The following ZNF221 variants were observed in gnomAD, a reference collection of about 807,000 sequenced individuals.
ZNF221 encodes the protein zinc finger protein 221.
ZNF221 carries 10 observed loss-of-function variants against 12.6 expected under a neutral mutation model. The ratio of observed to expected loss-of-function variants is 0.79; its 90% CI spans 0.49 to 1.34. ZNF221 has a LOEUF of 1.34. ZNF221 is among the 40% of genes most tolerant of loss of function. The pLI is 0.00. For synonymous variants in ZNF221, 232 were observed against 244.0 expected, an observed-to-expected ratio of 0.95 and a Z score of 0.46; for missense variants, 661 against 721.4, an observed-to-expected ratio of 0.92 and a Z score of 0.96.
downstream of ZNF221, among the ~76,000 whole-genome samples, chr19:43,972,536 A>C (rs1975118385): frequency 1.3e-5 from 2 of 152,148 alleles, no homozygotes; most frequent in South Asian, 2.1e-4. Context: ...AAGAGAGAAG[A>C]ATCCAACACA....
the ZNF221 span, among the ~76,000 whole-genome samples, chr19:43,975,476 G>A: frequency 0.027 from 4,160 of 152,210 alleles, 140 homozygotes; most frequent in African/African-American, 0.081. Flanking sequence ...CTTATAAGTG[G>A]GAGCTGAATG....
chr19:43,962,629 T>A (rs1974864385), intron 1 of ZNF221, 96 bp from the exon 2 acceptor site: 1 of 1,209,342 alleles, frequency 8.3e-7, no homozygotes. Context: ...GCTATGAACA[T>A]TCATGTGCTA....
chr19:43,978,691 T>C, the ZNF221 span: 1 of 152,304 alleles, frequency 6.6e-6, no homozygotes, highest in East Asian at 1.9e-4. Context: ...TGAGCTTTTG[T>C]GTGGCCAGTA....
chr19:43,975,504 C>T, the ZNF221 span, among the ~76,000 whole-genome samples: 1 of 152,106 alleles, frequency 6.6e-6, no homozygotes. Context: ...CATATGGACA[C>T]ATGGTGGGAA....
At chr19:43,977,062 G>A in the ZNF221 span, 3 of 152,136 alleles carry the variant, frequency 2.0e-5, no homozygotes, top group African/African-American at 4.8e-5. Context: ...ACAATAAAAA[G>A]AGAAGAGCAT....
downstream of ZNF221, among the ~76,000 whole-genome samples, chr19:43,969,091 G>T: frequency 6.6e-6 from 1 of 152,182 alleles, no homozygotes; most frequent in Middle Eastern, 3.2e-3. Context: ...CATTCTGTGG[G>T]CCCCACTTCC....
In ZNF221 at chr19:43,955,303, T is replaced by TGCTGACAAACAGAACAGTTTTCA. The variant is rs554154058; in HGVS notation, c.-3+3904_-3+3926dup. ...ACAGCCATCTTCACTGTGTCATTTT[T>TGCTGACAAACAGAACAGTTTTCA]GCTGACAAACAGAACAGTTTTCATC... On this transcript the variant is annotated intron_variant, in intron 1 of 4. Transcript: ENST00000587682. Among the ~76,000 whole-genome samples the TGCTGACAAACAGAACAGTTTTCA allele has an allele frequency of 4.8e-3, 728 of 152,284 alleles. 1 individual carries two copies. The highest frequency in any genetic ancestry group is 8.6e-3 in the Non-Finnish European group (585 of 68,014).
chr19:43,965,034 C>T lies in ZNF221; in HGVS notation c.166C>T (p.Arg56Ter), dbSNP rs550036064. ...GGACCCTGCCCAGAGGAAGCTGTAC[C>T]GAGATGTGATGCTAGAGAACTTCAG... ...LLDPAQRKLYRDVMLENFRNL... is the reference protein window; with the variant it reads ...LLDPAQRKLY Residue 56 changes from arginine to a stop codon, truncating the protein, a stop_gained, in exon 3 of 5, where the codon CGA becomes TGA. Coordinates refer to ENST00000587682, the MANE Select transcript of ZNF221 (RefSeq NM_001297588.2). LOFTEE classifies it high-confidence loss of function. 2.7e-5 allele frequency: 44 copies of T among 1,614,106 alleles called. No individual in the cohort carries two copies. The highest frequency in any genetic ancestry group is 3.3e-4 in the Middle Eastern group (2 of 6,062).
downstream of ZNF221, among the ~76,000 whole-genome samples, chr19:43,972,452 C>A (rs1248287787): frequency 1.3e-5 from 2 of 151,930 alleles, no homozygotes; most frequent in Middle Eastern, 6.8e-3. Context: ...AAAAATCTTT[C>A]AAAAATTAAC....
the ZNF221 span, among the ~76,000 whole-genome samples, chr19:43,973,037 C>CAAA: frequency 6.6e-6 from 1 of 152,160 alleles, no homozygotes; most frequent in African/African-American, 2.4e-5. Flanking sequence ...AGCAGCACAT[C>CAAA]AAAAAGCTTA....
downstream of ZNF221, among the ~76,000 whole-genome samples, chr19:43,972,010 C>T (rs1975107675): frequency 6.6e-6 from 1 of 152,116 alleles, no homozygotes; most frequent in African/African-American, 2.4e-5. Context: ...CGGAAGTAAA[C>T]ACTCCTCAGC....
chr19:43,980,872 C>T, the ZNF221 span, among the ~76,000 whole-genome samples: 1 of 152,134 alleles, frequency 6.6e-6, no homozygotes, highest in Non-Finnish European at 1.5e-5. Context: ...GCAATGTGTC[C>T]CAGCTGCTAT....
At chr19:43,964,600 T>A (rs566038038) in intron 2 of ZNF221, among the ~76,000 whole-genome samples, 64 of 128,248 alleles carry the variant, frequency 5.0e-4, no homozygotes, top group Non-Finnish European at 9.1e-4. Flanking sequence ...GGGACTAAAC[T>A]TCTAAATGTT....
chr19:43,978,115 G>A, the ZNF221 span, among the ~76,000 whole-genome samples: 14,380 of 152,188 alleles, frequency 0.094, 842 homozygotes, highest in East Asian at 0.14. Context: ...AGCAGCACAG[G>A]TTCTTATTGA....
intron 2 of ZNF221, among the ~76,000 whole-genome samples, chr19:43,963,189 T>C (rs776277132): frequency 1.3e-5 from 2 of 152,206 alleles, no homozygotes; most frequent in Non-Finnish European, 2.9e-5. Context: ...CATTTTTATA[T>C]TGGTATCATA....
chr19:43,963,621 T>C (rs1974887695), intron 2 of ZNF221, among the ~76,000 whole-genome samples: 1 of 152,208 alleles, frequency 6.6e-6, no homozygotes, highest in African/African-American at 2.4e-5. Flanking sequence ...TACTGGAAGA[T>C]TGGCCAATCA....
chr19:43,971,645 TAAAAAA>T (rs55735919), downstream of ZNF221, among the ~76,000 whole-genome samples: 1 of 148,564 alleles, frequency 6.7e-6, no homozygotes. Context: ...CCAACAAAGA[TAAAAAA>T]AAAAAAAAAG....
At chr19:43,953,547 T>G (rs373933332) in intron 1 of ZNF221, among the ~76,000 whole-genome samples, 1 of 151,890 alleles carries the variant, frequency 6.6e-6, no homozygotes, top group African/African-American at 2.4e-5. Context: ...GGTTGGGGAG[T>G]GGGGCTGAAA....
At position 43,951,230 on chromosome 19, in the gene ZNF221, A is replaced by C. The variant is rs1193324484; in HGVS notation, c.-173A>C. Reference sequence around the variant, plus strand: ...GGGAATTCTGGGAAATGTAGTCCAGACGCTCTGTGGAGTCGCGGGAGCTAC... The same window carrying C: ...GGGAATTCTGGGAAATGTAGTCCAGCCGCTCTGTGGAGTCGCGGGAGCTAC... On this transcript the variant is annotated 5_prime_UTR_variant, in exon 1 of 5. Coordinates refer to ENST00000587682, the MANE Select transcript of ZNF221 (RefSeq NM_001297588.2). The C allele has an allele frequency of 6.6e-6, 1 of 152,234 alleles. No homozygotes were observed. The highest frequency in any genetic ancestry group is 1.5e-5 in the Non-Finnish European group (1 of 68,084). 9.4% of individuals were successfully genotyped at this position (152,234 alleles called of 1,614,324 possible). A position where few individuals can be genotyped will look rare whatever the true frequency, so the allele number is the denominator to read the frequency against.
Sources: gnomAD v4.1 joint callset for allele counts (sites outside exome capture counted in the v4.1 genomes callset) on GRCh38, gnomAD v4.1.1 for gene constraint, MANE v1.5 for transcripts, NCBI Gene and HGNC (gene_info 2026-07-23, HGNC 2026-07-21) for gene names.